DZIP1: variants seen among roughly 807,000 people sequenced by gnomAD.
DZIP1 encodes the protein DAZ interacting zinc finger protein 1, also known as cilium assembly protein DZIP1.
Under a neutral mutation model 107.6 loss-of-function variants are expected in DZIP1, and 97 were observed. The ratio of observed to expected loss-of-function variants is 0.90; its 90% CI spans 0.77 to 1.07. The LOEUF (loss-of-function observed/expected upper bound fraction) is 1.07. Ranked by LOEUF, DZIP1 falls within the 50% of genes least tolerant of loss-of-function variation. DZIP1 has a pLI of 0.00. For missense variants in DZIP1, 1,035 were observed against 1,063.6 expected (o/e 0.97, Z 0.37); for synonymous variants, 390 against 386.4 (o/e 1.01, Z -0.11).
chr13:95,611,738 C>T (rs1049561193), intron 11 of DZIP1, among the ~76,000 whole-genome samples: 2 of 152,114 alleles, frequency 1.3e-5, no homozygotes, highest in African/African-American at 4.8e-5. Context: ...AACAAAAAAT[C>T]TTTTTAAAGT....
rs562692579 is a variant in DZIP1 at position 95,640,666 on chromosome 13, G to A, written c.597+629C>T. On this transcript the variant is annotated intron_variant, in intron 5 of 22. Coordinates refer to ENST00000376829, the MANE Select transcript of DZIP1 (RefSeq NM_198968.4). ...AAACAGTAGAAGATTAAGACCAGAAGATAAAAATATTTTATTCTTTAAATA... is the reference window on the plus strand; with the variant it reads ...AAACAGTAGAAGATTAAGACCAGAAAATAAAAATATTTTATTCTTTAAATA... 2.0e-5 allele frequency among the ~76,000 whole-genome samples: 3 copies of A among 152,230 alleles called. No homozygotes were observed. The East Asian group carries it at 5.8e-4, about 29-fold the overall frequency.
At chr13:95,643,850 C>G (rs1396882664) in intron 1 of DZIP1, among the ~76,000 whole-genome samples, 152 bp from the exon 2 acceptor site, 1 of 152,232 alleles carries the variant, frequency 6.6e-6, no homozygotes, top group Non-Finnish European at 1.5e-5. Flanking sequence ...CCTGTTAGAA[C>G]GATTAACCCA....
At chr13:95,600,601 T>C (rs1321181274) in intron 14 of DZIP1, among the ~76,000 whole-genome samples, 3 of 144,700 alleles carry the variant, frequency 2.1e-5, no homozygotes, top group Middle Eastern at 3.3e-3. Context: ...GATAGATAGA[T>C]AGATAGATAG....
At chr13:95,600,553 TAGAG>T (rs943275967) in intron 14 of DZIP1, among the ~76,000 whole-genome samples, 12 of 149,824 alleles carry the variant, frequency 8.0e-5, no homozygotes, top group Admixed American at 2.7e-4. Context: ...AGACAAATGA[TAGAG>T]AGAGAGAGAG....
Position 95,641,572 on chromosome 13 carries a change from G to A in DZIP1, c.320C>T (p.Pro107Leu), listed in dbSNP as rs1330621520. ...TFCKLEDEKC[P>L]HCQSGVDPVL... is the part of the protein sequence containing the mutation. ...CGGGTCCACCCCCGACTGGCAGTGT[G>A]GGCACTTCTCGTCTTCCAGCTTGCA... Residue 107 changes from proline (P) to leucine (L), a missense_variant, in exon 5 of 23, where the codon CCA becomes CTA. Coordinates refer to ENST00000376829, the MANE Select transcript of DZIP1 (RefSeq NM_198968.4). This position sits in a 1 kb window ranked among gnomAD's most constrained non-coding sequence, Gnocchi z 4.3. 8 of 1,613,724 alleles carry A rather than the reference G, an allele frequency of 5.0e-6. No homozygotes were observed. The Admixed American group carries it at 5.0e-5, about 10-fold the overall frequency.
chr13:95,641,528 G>A lies in DZIP1; in HGVS notation c.364C>T (p.Arg122Cys). The A allele has an allele frequency of 6.2e-7, 1 of 1,614,002 alleles. No homozygotes were observed. Among genetic ancestry groups the A allele is most frequent in the African/African-American group, 1.3e-5 (1 of 75,072 alleles). Residue 122 changes from arginine to cysteine, a missense_variant, in exon 5 of 23, where the codon CGT becomes TGT. Physicochemically the swap from Arg to Cys is radical, Grantham distance 180 (BLOSUM62 -3). Coordinates refer to ENST00000376829, the MANE Select transcript of DZIP1 (RefSeq NM_198968.4). This position sits in a 1 kb window ranked among gnomAD's most constrained non-coding sequence, Gnocchi z 4.3. ...GVDPVLLKLI[R>C]LAQFTIEYLL... is the part of the protein sequence containing the mutation. ...TACTCGATGGTGAACTGCGCCAGAC[G>A]GATGAGCTTCAGCAGCACCGGGTCC...
chr13:95,609,689 C>A (rs2044917152), intron 12 of DZIP1, among the ~76,000 whole-genome samples, 176 bp from the exon 13 acceptor site: 1 of 152,096 alleles, frequency 6.6e-6, no homozygotes, highest in Non-Finnish European at 1.5e-5. Context: ...CTAAATTTTC[C>A]CCAGAATTAC....
chr13:95,609,440 C>G lies in DZIP1; in HGVS notation c.1420+17G>C. The G allele has an allele frequency of 6.6e-7, 1 of 1,516,274 alleles. No individual in the cohort carries two copies. Among genetic ancestry groups the G allele is most frequent in the Non-Finnish European group, 8.8e-7 (1 of 1,130,000 alleles). The allele number at this position is 1,516,274 out of a possible 1,614,324, so 93.9% of individuals were successfully genotyped here. ...TAAAGATACCTTTGGAGCCCTGCATCTATTATAGGAACTTACTAGGCACAG... is the reference window on the plus strand; with the variant it reads ...TAAAGATACCTTTGGAGCCCTGCATGTATTATAGGAACTTACTAGGCACAG... On this transcript the variant is annotated intron_variant, in intron 13 of 22. Coordinates refer to ENST00000376829, the MANE Select transcript of DZIP1 (RefSeq NM_198968.4).
intron 15 of DZIP1, among the ~76,000 whole-genome samples, chr13:95,598,462 C>T (rs951658767): frequency 6.6e-6 from 1 of 152,030 alleles, no homozygotes; most frequent in Non-Finnish European, 1.5e-5. Context: ...AGTCAATTCT[C>T]AATTTGTAGC....
chr13:95,606,439 T>A (rs1358444917), intron 13 of DZIP1, among the ~76,000 whole-genome samples: 1 of 152,222 alleles, frequency 6.6e-6, no homozygotes, highest in Non-Finnish European at 1.5e-5. Flanking sequence ...TATCCATCTC[T>A]ATGAATTTGC....
chr13:95,610,124 G>GAGAGAGAGAC (rs1566390465), intron 12 of DZIP1, among the ~76,000 whole-genome samples: 1 of 148,532 alleles, frequency 6.7e-6, no homozygotes, highest in African/African-American at 2.5e-5. Flanking sequence ...GAGAGAGACA[G>GAGAGAGAGAC]AGAGAGAGAG....
At position 95,641,256 on chromosome 13, in the gene DZIP1, T is replaced by C. The variant is rs1331372484; in HGVS notation, c.597+39A>G. ...GCCTATCAAATGGGAACTGAGTTGT[T>C]TACTGGATTATGAATCGTGCTCACA... is the stretch of plus-strand genomic sequence containing the variant. On this transcript the variant is annotated intron_variant, in intron 5 of 22. Transcript: ENST00000376829. This position sits in a 1 kb window ranked among gnomAD's most constrained non-coding sequence, Gnocchi z 4.3. 6.5e-7 allele frequency: 1 copy of C among 1,532,054 alleles called. No homozygotes were observed. Among genetic ancestry groups the C allele is most frequent in the Admixed American group, 2.0e-5 (1 of 49,594 alleles). The allele number at this position is 1,532,054 out of a possible 1,614,324, so 94.9% of individuals were successfully genotyped here.
At chr13:95,620,017 T>G in intron 9 of DZIP1, 70 bp from the exon 10 acceptor site, 1 of 1,531,252 alleles carries the variant, frequency 6.5e-7, no homozygotes, top group South Asian at 1.2e-5. Flanking sequence ...GGGAGCTTCC[T>G]TTTTAGTGAA....
At chr13:95,591,022 CTTTTTTTT>C (rs755824494) in intron 16 of DZIP1, among the ~76,000 whole-genome samples, 1 of 127,454 alleles carries the variant, frequency 7.8e-6, no homozygotes, top group East Asian at 2.3e-4. Flanking sequence ...GAGGTGACTT[CTTTTTTTT>C]TTTTTTTTTT....
rs542575550 is a variant in DZIP1, at chr13:95,617,741, G to A, written c.1173+2144C>T. ...GGCTAGAATGGCGGCCAGCAGCCAG[G>A]TTATTTTGCTGGCTCTGTGGAGAGC... On this transcript the variant is annotated intron_variant, in intron 10 of 22. Coordinates refer to ENST00000376829, the MANE Select transcript of DZIP1 (RefSeq NM_198968.4). Among the ~76,000 whole-genome samples the A allele has an allele frequency of 2.1e-4, 32 of 152,276 alleles. 1 individual carries two copies. In the East Asian group the frequency reaches 6.2e-3, roughly 29 times the overall value.
chr13:95,602,839 G>A (rs1453243939), intron 14 of DZIP1, among the ~76,000 whole-genome samples: 1 of 152,084 alleles, frequency 6.6e-6, no homozygotes. Context: ...ACACTATTTG[G>A]GCCAGTGGTG....
intron 6 of DZIP1, among the ~76,000 whole-genome samples, chr13:95,630,331 C>T (rs1310055617): frequency 7.9e-5 from 12 of 152,028 alleles, no homozygotes; most frequent in Non-Finnish European, 1.3e-4. Flanking sequence ...TTCTTTCAGC[C>T]GCTGTGTTGA....
At chr13:95,595,662 TAA>T (rs1194257368) in intron 15 of DZIP1, among the ~76,000 whole-genome samples, 1 of 151,908 alleles carries the variant, frequency 6.6e-6, no homozygotes, top group Admixed American at 6.6e-5. Context: ...GGGCCAAAAA[TAA>T]AAAGAGGCAC....
Position 95,641,834 on chromosome 13 carries a change from A to C in DZIP1, c.58T>G (p.Tyr20Asp). 1 of 1,261,390 alleles carries C rather than the reference A, an allele frequency of 7.9e-7. No individual in the cohort carries two copies. Among genetic ancestry groups the C allele is most frequent in the South Asian group, 1.5e-5 (1 of 66,698 alleles). The allele number at this position is 1,261,390 out of a possible 1,614,324, so 78.1% of individuals were successfully genotyped here. A position where few individuals can be genotyped will look rare whatever the true frequency, so the allele number is the denominator to read the frequency against. ...SSMPFQKHVY[Y>D]PLASGPEGPD... is the part of the protein sequence containing the mutation. ...CCCTCTGGGCCGCTGGCGAGCGGGT[A>C]GTAGACATGCTTCTGGAAGGGCTGC... The change falls in exon 5 of 23, where the codon TAC becomes GAC. Residue 20 changes from tyrosine (Y) to aspartate (D), a missense_variant. By Grantham distance (160) the Tyr-to-Asp change is radical. Transcript: ENST00000376829. The surrounding 1 kb of genome is among the most constrained non-coding windows in gnomAD (Gnocchi z 4.3).
Sources: gnomAD v4.1 joint callset for allele counts (sites outside exome capture counted in the v4.1 genomes callset) on GRCh38, gnomAD v4.1.1 for gene constraint, Gnocchi (gnomAD v3.1) non-coding constraint, MANE v1.5 for transcripts, NCBI Gene and HGNC (gene_info 2026-07-23, HGNC 2026-07-21) for gene names.